VAPA: variants seen among roughly 807,000 people sequenced by gnomAD.
VAPA encodes the protein vesicle-associated membrane protein-associated protein A.
A neutral mutation model predicts 25.6 loss-of-function variants in VAPA; 6 were observed. That is an observed-to-expected ratio of 0.23 (90% CI 0.13 to 0.46). VAPA has a LOEUF of 0.46. Among genes scored for constraint, VAPA ranks in the 20% least tolerant of loss-of-function variants. The pLI is 0.99. For synonymous variants in VAPA, 112 were observed against 106.2 expected, an observed-to-expected ratio of 1.05 and a Z score of -0.34; for missense variants, 244 against 302.1, an observed-to-expected ratio of 0.81 and a Z score of 1.43.
At chr18:9,946,006 G>C (rs9961448) in intron 4 of VAPA, among the ~76,000 whole-genome samples, 23,824 of 152,032 alleles carry the variant, frequency 0.16, 2,010 homozygotes, top group African/African-American at 0.22. Context: ...AAGAATGTAG[G>C]CCCACGTTTA....
chr18:9,949,348 T>C (rs2069462408), intron 4 of VAPA: 1 of 152,222 alleles, frequency 6.6e-6, no homozygotes, highest in African/African-American at 2.4e-5. Flanking sequence ...ATTTTCATTT[T>C]TAAATAGATT....
Position 9,955,358 on chromosome 18 carries a change from T to C in VAPA, c.*1147T>C, listed in dbSNP as rs1471214801. The C allele has an allele frequency of 6.6e-6, 1 of 152,232 alleles. No individual in the cohort carries two copies. The highest frequency in any genetic ancestry group is 6.5e-5 in the Admixed American group (1 of 15,282). 9.4% of individuals were successfully genotyped at this position (152,232 alleles called of 1,614,324 possible). On this transcript the variant is annotated 3_prime_UTR_variant, in exon 6 of 6. Coordinates refer to ENST00000400000, the MANE Select transcript of VAPA (RefSeq NM_194434.3). Reference sequence around the variant, plus strand: ...TCTTTATGAAAAATGATTTTAGCCTTTGCAAATGTTAACCATGTGAAACAC... The same window carrying C: ...TCTTTATGAAAAATGATTTTAGCCTCTGCAAATGTTAACCATGTGAAACAC...
rs1429495724 is a variant in VAPA, at chr18:9,959,739, AAAAAAAAATG to A, written c.*5529_*5538del. 1.3e-5 allele frequency: 2 copies of A among 151,254 alleles called. No individual in the cohort carries two copies. Among genetic ancestry groups the A allele is most frequent in the African/African-American group, 4.9e-5 (2 of 41,130 alleles). 9.4% of individuals were successfully genotyped at this position (151,254 alleles called of 1,614,324 possible). ...ATTGTTCCAAAAAAAAAAAAAAAAA[AAAAAAAAATG>A]TGGAGGGTTGAAATGGTAAGGAATT... is the stretch of plus-strand genomic sequence containing the variant. On this transcript the variant is annotated 3_prime_UTR_variant, in exon 6 of 6. Transcript: ENST00000400000.
intron 4 of VAPA, among the ~76,000 whole-genome samples, chr18:9,940,419 C>T (rs546060007): frequency 5.9e-5 from 9 of 152,066 alleles, no homozygotes; most frequent in Non-Finnish European, 8.8e-5. Flanking sequence ...GTACCTGTGA[C>T]AAAATTGATT....
rs2143457313 is a variant in VAPA, at chr18:9,955,765, T to C, written c.*1554T>C. The C allele has an allele frequency of 6.6e-6, 1 of 152,356 alleles. No homozygotes were observed. The highest frequency in any genetic ancestry group is 2.1e-4 in the South Asian group (1 of 4,828). 9.4% of individuals were successfully genotyped at this position (152,356 alleles called of 1,614,324 possible). A position where few individuals can be genotyped will look rare whatever the true frequency, so the allele number is the denominator to read the frequency against. On this transcript the variant is annotated 3_prime_UTR_variant, in exon 6 of 6. Transcript: ENST00000400000. ...TATTGTGTTATTGGGCGCTGTGGTA[T>C]CTTTTATAAAACCTCTTGCTTGTGT...
chr18:9,919,549 T>C (rs1599096030), intron 1 of VAPA, among the ~76,000 whole-genome samples: 1 of 152,346 alleles, frequency 6.6e-6, no homozygotes, highest in African/African-American at 2.4e-5. Flanking sequence ...GGGTCTTCGA[T>C]CAGGCTGTCA....
At chr18:9,941,866 G>T (rs997349687) in intron 4 of VAPA, among the ~76,000 whole-genome samples, 2 of 152,096 alleles carry the variant, frequency 1.3e-5, no homozygotes, top group Non-Finnish European at 1.5e-5. Context: ...AATGTGCAAG[G>T]TTAACAAAAA....
At position 9,959,275 on chromosome 18, in the gene VAPA, A is replaced by G. The variant is rs2069581896; in HGVS notation, c.*5064A>G. 1 of 152,224 alleles carries G rather than the reference A, an allele frequency of 6.6e-6. No individual in the cohort carries two copies. The highest frequency in any genetic ancestry group is 1.5e-5 in the Non-Finnish European group (1 of 68,036). 9.4% of individuals were successfully genotyped at this position (152,224 alleles called of 1,614,324 possible). ...TTTGTGATGCCTTTGATTCCACTTT[A>G]CATGGAGTACTATTATTTGTGAAAT... On this transcript the variant is annotated 3_prime_UTR_variant, in exon 6 of 6. Coordinates refer to ENST00000400000, the MANE Select transcript of VAPA (RefSeq NM_194434.3).
rs558077212 is a variant in VAPA, at chr18:9,954,999, G to T, written c.*788G>T. 1 of 152,124 alleles carries T rather than the reference G, an allele frequency of 6.6e-6. No individual in the cohort carries two copies. The highest frequency in any genetic ancestry group is 2.4e-5 in the African/African-American group (1 of 41,418). 9.4% of individuals were successfully genotyped at this position (152,124 alleles called of 1,614,324 possible). A position where few individuals can be genotyped will look rare whatever the true frequency, so the allele number is the denominator to read the frequency against. ...TTGATTAAATTTTAAGGTACCACTG[G>T]TATTTTGGGAGATTATAATCAGTTT... On this transcript the variant is annotated 3_prime_UTR_variant, in exon 6 of 6. Transcript: ENST00000400000.
intron 4 of VAPA, among the ~76,000 whole-genome samples, chr18:9,945,391 C>T (rs1360269890): frequency 2.7e-5 from 3 of 109,754 alleles, no homozygotes; most frequent in Non-Finnish European, 5.0e-5. Context: ...GATGGAGTCT[C>T]GCTCTGTCAC....
Position 9,959,280 on chromosome 18 carries a change from G to A in VAPA, c.*5069G>A, listed in dbSNP as rs2069581961. 1 of 152,126 alleles carries A rather than the reference G, an allele frequency of 6.6e-6. No homozygotes were observed. Among genetic ancestry groups the A allele is most frequent in the South Asian group, 2.1e-4 (1 of 4,820 alleles). The allele number at this position is 152,126 out of a possible 1,614,324, so 9.4% of individuals were successfully genotyped here. A position where few individuals can be genotyped will look rare whatever the true frequency, so the allele number is the denominator to read the frequency against. On this transcript the variant is annotated 3_prime_UTR_variant, in exon 6 of 6. Coordinates refer to ENST00000400000, the MANE Select transcript of VAPA (RefSeq NM_194434.3). ...GATGCCTTTGATTCCACTTTACATG[G>A]AGTACTATTATTTGTGAAATGTCTT...
intron 1 of VAPA, among the ~76,000 whole-genome samples, chr18:9,923,407 G>C (rs1037682220): frequency 6.7e-6 from 1 of 148,330 alleles, no homozygotes; most frequent in Non-Finnish European, 1.5e-5. Flanking sequence ...AATTAAAAAA[G>C]AATTGTTGCT....
At chr18:9,920,558 A>G (rs2069148178) in intron 1 of VAPA, among the ~76,000 whole-genome samples, 1 of 152,186 alleles carries the variant, frequency 6.6e-6, no homozygotes, top group Admixed American at 6.5e-5. Flanking sequence ...TCTGCCTCCC[A>G]AAGTGTTGGG....
chr18:9,926,246 C>G (rs2069199288), intron 1 of VAPA, among the ~76,000 whole-genome samples: 1 of 152,128 alleles, frequency 6.6e-6, no homozygotes. Flanking sequence ...CACAGATACT[C>G]AGCAGCATAA....
chr18:9,923,052 C>T (rs1210080247), intron 1 of VAPA, among the ~76,000 whole-genome samples: 3 of 152,174 alleles, frequency 2.0e-5, no homozygotes, highest in Non-Finnish European at 4.4e-5. Context: ...TATAAAAAGT[C>T]TAAACTAGTG....
rs538695152 is a variant in VAPA, at chr18:9,956,771, C to T, written c.*2560C>T. 2 of 152,466 alleles carry T rather than the reference C, an allele frequency of 1.3e-5. No homozygotes were observed. Among genetic ancestry groups the T allele is most frequent in the African/African-American group, 2.4e-5 (1 of 41,570 alleles). The allele number at this position is 152,466 out of a possible 1,614,324, so 9.4% of individuals were successfully genotyped here. ...AGTTTTTGCTTTGTCTGCCTGCTTA[C>T]TTGTATATGTAAGCATGAGGGAAAT... On this transcript the variant is annotated 3_prime_UTR_variant, in exon 6 of 6. Transcript: ENST00000400000.
chr18:9,925,693 A>C (rs937581346), intron 1 of VAPA, among the ~76,000 whole-genome samples: 3 of 152,122 alleles, frequency 2.0e-5, no homozygotes, highest in Admixed American at 1.3e-4. Context: ...CATTTAAAAA[A>C]TTTGTAATAA....
At chr18:9,927,248 G>A (rs900195750) in intron 1 of VAPA, among the ~76,000 whole-genome samples, 5 of 152,242 alleles carry the variant, frequency 3.3e-5, no homozygotes, top group Admixed American at 1.3e-4. Flanking sequence ...AATGTTCATC[G>A]TAGAATGTGA....
At position 9,956,675 on chromosome 18, in the gene VAPA, CTG is replaced by C. The variant is rs1449205459; in HGVS notation, c.*2466_*2467del. The C allele has an allele frequency of 6.6e-6, 1 of 152,588 alleles. No homozygotes were observed. The highest frequency in any genetic ancestry group is 1.5e-5 in the Non-Finnish European group (1 of 68,044). The allele number at this position is 152,588 out of a possible 1,614,324, so 9.5% of individuals were successfully genotyped here. ...CAACAGTTATAGTTTGAAAGTCCAA[CTG>C]TATTAATTGACTGATAATATGATAA... On this transcript the variant is annotated 3_prime_UTR_variant, in exon 6 of 6. Transcript: ENST00000400000.
Sources: gnomAD v4.1 joint callset for allele counts (sites outside exome capture counted in the v4.1 genomes callset) on GRCh38, gnomAD v4.1.1 for gene constraint, MANE v1.5 for transcripts, NCBI Gene and HGNC (gene_info 2026-07-23, HGNC 2026-07-21) for gene names.